TMTC2: variants seen among roughly 807,000 people sequenced by gnomAD.
TMTC2 encodes transmembrane O-mannosyltransferase targeting cadherins 2.
Under a neutral mutation model 82.4 loss-of-function variants are expected in TMTC2, and 43 were observed. The observed-to-expected ratio is 0.52, with a 90% confidence interval of 0.41 to 0.67. The LOEUF is 0.67. Among genes scored for constraint, TMTC2 ranks in the 30% least tolerant of loss-of-function variants. The pLI is 0.00. For synonymous variants in TMTC2, 408 were observed against 381.9 expected, an observed-to-expected ratio of 1.07 and a Z score of -0.80; for missense variants, 919 against 1,012.4, an observed-to-expected ratio of 0.91 and a Z score of 1.25.
chr12:83,112,717 T>G (rs1345666054), intron 11 of TMTC2, among the ~76,000 whole-genome samples: 1 of 152,248 alleles, frequency 6.6e-6, no homozygotes, highest in Non-Finnish European at 1.5e-5. Context: ...TGTCCCCTTG[T>G]ACTTCTAGAG....
At chr12:83,081,631 G>T (rs1883472121) in intron 11 of TMTC2, among the ~76,000 whole-genome samples, 1 of 152,064 alleles carries the variant, frequency 6.6e-6, no homozygotes, top group Non-Finnish European at 1.5e-5. Context: ...TTCAAATCTG[G>T]TACAAAATGT....
At chr12:83,080,750 C>A (rs922660926) in intron 11 of TMTC2, among the ~76,000 whole-genome samples, 10 of 152,138 alleles carry the variant, frequency 6.6e-5, no homozygotes, top group Admixed American at 3.3e-4. Context: ...ATATAGTGAT[C>A]CAAATTGTCC....
At chr12:82,995,660 A>G (rs1471552031) in intron 8 of TMTC2, among the ~76,000 whole-genome samples, 1 of 152,182 alleles carries the variant, frequency 6.6e-6, no homozygotes, top group African/African-American at 2.4e-5. Context: ...CATTTCATAT[A>G]TCCCTTGATA....
intron 1 of TMTC2, among the ~76,000 whole-genome samples, chr12:82,752,168 T>A (rs1283206465): frequency 6.7e-6 from 1 of 148,250 alleles, no homozygotes; most frequent in East Asian, 1.9e-4. Context: ...TTTTTTTTTC[T>A]GAAGGCTTTC....
intron 1 of TMTC2, among the ~76,000 whole-genome samples, chr12:82,851,506 C>T (rs1408789579): frequency 6.6e-6 from 1 of 152,158 alleles, no homozygotes; most frequent in Non-Finnish European, 1.5e-5. Context: ...CACAATGATC[C>T]TATAAGGCAA....
At chr12:82,825,085 A>C (rs1224602431) in intron 1 of TMTC2, among the ~76,000 whole-genome samples, 1 of 149,710 alleles carries the variant, frequency 6.7e-6, no homozygotes, top group African/African-American at 2.5e-5. Context: ...CAAGACTCTG[A>C]CTCAAAAAAA....
At chr12:82,781,738 G>A (rs138241705) in intron 1 of TMTC2, among the ~76,000 whole-genome samples, 3 of 148,258 alleles carry the variant, frequency 2.0e-5, no homozygotes, top group South Asian at 4.3e-4. Context: ...AGTGAAAGGC[G>A]GCTTAGAGGT....
intron 1 of TMTC2, among the ~76,000 whole-genome samples, chr12:82,771,966 C>T (rs1406059994): frequency 2.0e-5 from 3 of 152,168 alleles, no homozygotes; most frequent in East Asian, 1.9e-4. Flanking sequence ...CTTCTATTCT[C>T]GCAGATTGTC....
intron 1 of TMTC2, among the ~76,000 whole-genome samples, chr12:82,722,496 G>A (rs11613168): frequency 0.086 from 12,597 of 145,910 alleles, 741 homozygotes; most frequent in East Asian, 0.23. Context: ...GAACCCGGGA[G>A]GCAGAGCTTG....
At chr12:82,722,566 CAAAAAAAAAAA>C (rs772607761) in intron 1 of TMTC2, among the ~76,000 whole-genome samples, 2 of 44,396 alleles carry the variant, frequency 4.5e-5, no homozygotes, top group Non-Finnish European at 7.3e-5. Flanking sequence ...GACTCCATCT[CAAAAAAAAAAA>C]AAAAAAAAAA....
At chr12:82,945,165 G>A (rs551065076) in intron 4 of TMTC2, among the ~76,000 whole-genome samples, 3 of 152,262 alleles carry the variant, frequency 2.0e-5, no homozygotes, top group Admixed American at 6.5e-5. Flanking sequence ...AGAATTGGGG[G>A]AAATCAGAAT....
chr12:82,971,829 G>A (rs367630837), intron 7 of TMTC2, among the ~76,000 whole-genome samples: 1 of 148,428 alleles, frequency 6.7e-6, no homozygotes, highest in Non-Finnish European at 1.5e-5. Context: ...AAAAAATTAA[G>A]TCATAAGTGC....
At chr12:82,924,735 T>C (rs1468235641) in intron 3 of TMTC2, among the ~76,000 whole-genome samples, 1 of 152,182 alleles carries the variant, frequency 6.6e-6, no homozygotes, top group Non-Finnish European at 1.5e-5. Flanking sequence ...GCCATCTAGA[T>C]TACCGCAGTT....
At chr12:83,097,499 T>C (rs979383707) in intron 11 of TMTC2, among the ~76,000 whole-genome samples, 2 of 152,212 alleles carry the variant, frequency 1.3e-5, no homozygotes, top group African/African-American at 4.8e-5. Context: ...CACCATGTAT[T>C]CTTTCATTTA....
intron 6 of TMTC2, chr12:82,966,030 T>C (rs1878192361): frequency 2.4e-6 from 1 of 410,696 alleles, no homozygotes; most frequent in Non-Finnish European, 4.4e-6. Context: ...TATTCAAGAA[T>C]GGGGAAATAA....
At chr12:82,695,393 T>C (rs1872739275) in intron 1 of TMTC2, among the ~76,000 whole-genome samples, 1 of 152,230 alleles carries the variant, frequency 6.6e-6, no homozygotes, top group Non-Finnish European at 1.5e-5. Context: ...TTTTTGTTTT[T>C]ATGTTAATCT....
chr12:82,800,180 C>T (rs1263196650), intron 1 of TMTC2, among the ~76,000 whole-genome samples: 1 of 152,024 alleles, frequency 6.6e-6, no homozygotes, highest in Non-Finnish European at 1.5e-5. Flanking sequence ...GGATTGCTTG[C>T]AGAATAAATG....
chr12:82,819,543 C>G (rs1281976162), intron 1 of TMTC2, among the ~76,000 whole-genome samples: 1 of 147,694 alleles, frequency 6.8e-6, no homozygotes, highest in Non-Finnish European at 1.5e-5. Context: ...CTCTCGTTGC[C>G]CAGGCTGGAG....
intron 1 of TMTC2, among the ~76,000 whole-genome samples, chr12:82,809,486 T>G (rs1444509807): frequency 6.6e-6 from 1 of 152,124 alleles, no homozygotes; most frequent in Non-Finnish European, 1.5e-5. Flanking sequence ...ATGAGCAGAT[T>G]TCTGCAGGGG....
Sources: allele counts gnomAD v4.1 joint callset (sites outside exome capture counted in the v4.1 genomes callset), GRCh38; gene constraint gnomAD v4.1.1; transcripts MANE v1.5; gene names NCBI Gene and HGNC (gene_info 2026-07-23, HGNC 2026-07-21).